Variants in SPEG observed in about 807,000 individuals in gnomAD.
SPEG encodes striated muscle enriched protein kinase.
In SPEG, 114 loss-of-function variants were observed where a neutral mutation model predicts 300.4. The observed-to-expected ratio is 0.38, with a 90% CI of 0.33 to 0.44. The LOEUF (loss-of-function observed/expected upper bound fraction) is 0.44. Among genes scored for constraint, SPEG ranks in the 20% least tolerant of loss-of-function variants. The pLI is 1.00. For synonymous variants in SPEG, 1,964 were observed against 2,018.9 expected, an observed-to-expected ratio of 0.97 and a Z score of 0.73; for missense variants, 4,201 against 4,586.2, an observed-to-expected ratio of 0.92 and a Z score of 2.43.
At chr2:219,467,022 C>A in intron 9 of SPEG, 152 bp from the exon 10 acceptor site, 1 of 1,142,230 alleles carries the variant, frequency 8.8e-7, no homozygotes, top group Non-Finnish European at 1.2e-6. Flanking sequence ...CCTTGCTGTC[C>A]TGGCCAGGTG....
At position 219,473,520 on chromosome 2, in the gene SPEG, G is replaced by A. The variant is rs1194330124; in HGVS notation, c.4164G>A (p.Glu1388=). The change falls in exon 17 of 41, where the codon GAG becomes GAA. Residue 1388 remains glutamate, a synonymous_variant. Transcript: ENST00000312358. This position sits in a 1 kb window ranked among gnomAD's most constrained non-coding sequence, Gnocchi z 4.6. ...TCCTCCCAGGCCCAACCCTGGAGGAGGCCCCTGCCATGCTGGACAAACCAG... is the reference window on the plus strand; with the variant it reads ...TCCTCCCAGGCCCAACCCTGGAGGAAGCCCCTGCCATGCTGGACAAACCAG... ...QLLEHGPTLE[E]APAMLDKPDI... 2 of 1,614,052 alleles carry A rather than the reference G, an allele frequency of 1.2e-6. No individual in the cohort carries two copies. Among genetic ancestry groups the A allele is most frequent in the South Asian group, 1.1e-5 (1 of 91,076 alleles).
At position 219,482,632 on chromosome 2, in the gene SPEG, CA is replaced by C. The variant is rs1212900380; in HGVS notation, c.5566-151del. ...GCTGTAGGCATTGTCCTGACAGACC[CA>C]GGGGGAAGGGGACCCCCAGGAGCCC... On this transcript the variant is annotated intron_variant, in intron 28 of 40. Transcript: ENST00000312358. The C allele has an allele frequency of 6.0e-6, 4 of 662,638 alleles. No individual in the cohort carries two copies. The East Asian group carries it at 1.1e-4, about 18-fold the overall frequency. 41.0% of individuals were successfully genotyped at this position (662,638 alleles called of 1,614,324 possible). A position where few individuals can be genotyped will look rare whatever the true frequency, so the allele number is the denominator to read the frequency against.
At chr2:219,447,191 GT>G (rs1394334394) in intron 3 of SPEG, among the ~76,000 whole-genome samples, 2 of 132,994 alleles carry the variant, frequency 1.5e-5, no homozygotes, top group Admixed American at 1.6e-4. Context: ...TCTGAGCTGA[GT>G]TATTTCAGAG....
At chr2:219,476,582 C>A (rs375774274) in intron 18 of SPEG, among the ~76,000 whole-genome samples, 2 of 152,078 alleles carry the variant, frequency 1.3e-5, no homozygotes, top group African/African-American at 4.8e-5. Flanking sequence ...TCAAAGCTGC[C>A]AAATTAATAC....
Position 219,484,817 on chromosome 2 carries a change from G to A in SPEG, c.7354G>A (p.Ala2452Thr), listed in dbSNP as rs892268073. The change falls in exon 30 of 41, where the codon GCG becomes ACG. Residue 2452 changes from alanine to threonine, a missense_variant. Ala to Thr is a moderately conservative substitution (Grantham distance 58). This residue lies in a region of SPEG where 1,578 missense variants were observed against 1,506.0 expected (regional missense o/e 1.05). Transcript: ENST00000312358. ...GSSARGSPVL[A>T]MRRRLSFTLE... ...CTCGGCGCGGGGCTCCCCGGTGCTG[G>A]CGATGCGCAGGCGGCTGAGCTTCAC... 1.3e-5 allele frequency: 19 copies of A among 1,498,816 alleles called. No individual in the cohort carries two copies. The highest frequency in any genetic ancestry group is 8.6e-5 in the Admixed American group (4 of 46,584). 92.8% of individuals were successfully genotyped at this position (1,498,816 alleles called of 1,614,324 possible). A position where few individuals can be genotyped will look rare whatever the true frequency, so the allele number is the denominator to read the frequency against.
At chr2:219,490,024 G>T in intron 36 of SPEG, 85 bp downstream of exon 36, 1 of 1,473,282 alleles carries the variant, frequency 6.8e-7, no homozygotes, top group East Asian at 2.3e-5. Context: ...AGACCAGACT[G>T]TCCTGGCTGG....
At position 219,491,858 on chromosome 2, in the gene SPEG, C is replaced by T; in HGVS notation, c.9450C>T (p.Leu3150=). The T allele has an allele frequency of 1.2e-6, 2 of 1,609,146 alleles. No homozygotes were observed. Among genetic ancestry groups the T allele is most frequent in the Non-Finnish European group, 1.7e-6 (2 of 1,177,384 alleles). The part of the protein sequence containing the change: ...SATDIWGAGV[L]TYIMLSGRSP... The stretch of plus-strand genomic sequence containing the variant: ...CGGACATCTGGGGAGCGGGTGTGCT[C>T]ACTTACATTATGTGAGTGTCCCCTA... Residue 3150 remains leucine, a synonymous_variant, in exon 39 of 41, where the codon CTC becomes CTT. Coordinates refer to ENST00000312358, the MANE Select transcript of SPEG (RefSeq NM_005876.5).
intron 31 of SPEG, among the ~76,000 whole-genome samples, chr2:219,486,550 G>C (rs1040554794): frequency 1.3e-5 from 2 of 152,140 alleles, no homozygotes; most frequent in African/African-American, 4.8e-5. Flanking sequence ...GAAAGAAAGC[G>C]ATCAGCCAGC....
At position 219,445,287 on chromosome 2, in the gene SPEG, C is replaced by A; in HGVS notation, c.815+126C>A. On this transcript the variant is annotated intron_variant, in intron 3 of 40. Transcript: ENST00000312358. The surrounding 1 kb of genome is among the most constrained non-coding windows in gnomAD (Gnocchi z 6.1). ...TCCATCTCTCTGTGCATTTCTTCAC[C>A]CCCTGCTGCCACTCCATCTTCCCAC... The A allele has an allele frequency of 1.1e-6, 1 of 914,168 alleles. No individual in the cohort carries two copies. The highest frequency in any genetic ancestry group is 2.6e-5 in the East Asian group (1 of 37,748). 56.6% of individuals were successfully genotyped at this position (914,168 alleles called of 1,614,324 possible). A position where few individuals can be genotyped will look rare whatever the true frequency, so the allele number is the denominator to read the frequency against.
intron 33 of SPEG, 31 bp downstream of exon 33, chr2:219,488,696 G>A (rs1693676329): frequency 5.0e-6 from 8 of 1,604,510 alleles, no homozygotes; most frequent in Non-Finnish European, 6.8e-6. Context: ...CAGGGGGGTA[G>A]TGATGGGGAT....
intron 8 of SPEG, among the ~76,000 whole-genome samples, chr2:219,463,671 G>T (rs1690966761): frequency 6.6e-6 from 1 of 150,930 alleles, no homozygotes; most frequent in Admixed American, 6.6e-5. Flanking sequence ...CTCCCAAAGT[G>T]CTGGGATTAC....
In SPEG at chr2:219,490,420, G is replaced by C. The variant is rs1693862355; in HGVS notation, c.8933G>C (p.Gly2978Ala). The change falls in exon 37 of 41, where the codon GGT becomes GCT. Residue 2978 changes from glycine to alanine, a missense_variant. Around this residue, in one of 4 missense-constraint regions of SPEG, gnomAD observed 318 missense variants for 429.5 expected, o/e 0.74. Coordinates refer to ENST00000312358, the MANE Select transcript of SPEG (RefSeq NM_005876.5). ...FLEEKARGRF[G>A]VVRACRENAT... ...CCCCCGACACACAGGGGCCGCTTTGGTGTTGTGCGAGCGTGCCGGGAGAAT... is the reference window on the plus strand; with the variant it reads ...CCCCCGACACACAGGGGCCGCTTTGCTGTTGTGCGAGCGTGCCGGGAGAAT... The C allele has an allele frequency of 1.9e-6, 3 of 1,611,470 alleles. No homozygotes were observed. Among genetic ancestry groups the C allele is most frequent in the Non-Finnish European group, 2.5e-6 (3 of 1,179,296 alleles).
chr2:219,487,941 A>G (rs1307861586), intron 31 of SPEG, among the ~76,000 whole-genome samples: 1 of 152,230 alleles, frequency 6.6e-6, no homozygotes, highest in Non-Finnish European at 1.5e-5. Flanking sequence ...CCCATGACAT[A>G]AGTAGCATTG....
Position 219,471,645 on chromosome 2 carries a change from GC to G in SPEG, c.3716-221del, listed in dbSNP as rs912165136. On this transcript the variant is annotated intron_variant, in intron 13 of 40. Transcript: ENST00000312358. ...CACACTGGAGGGACAGACCAGAGGG[GC>G]CAGGGCAGATGTAGACTTGGAAGCC... The G allele has an allele frequency of 2.7e-4, 157 of 579,050 alleles. No individual in the cohort carries two copies. The African/African-American group carries it at 2.7e-3, about 10-fold the overall frequency. The allele number at this position is 579,050 out of a possible 1,614,324, so 35.9% of individuals were successfully genotyped here. A position where few individuals can be genotyped will look rare whatever the true frequency, so the allele number is the denominator to read the frequency against.
At chr2:219,465,964 CATGCGTGTGT>C (rs1339505096) in intron 9 of SPEG, 51 of 1,087,144 alleles carry the variant, frequency 4.7e-5, no homozygotes, top group African/African-American at 7.6e-5. Flanking sequence ...TGTGCGTGTG[CATGCGTGTGT>C]GTGCATGTGT....
rs1391495542 is a variant in SPEG at position 219,477,811 on chromosome 2, G to A, written c.4826+26G>A. 3 of 1,596,176 alleles carry A rather than the reference G, an allele frequency of 1.9e-6. No homozygotes were observed. Among genetic ancestry groups the A allele is most frequent in the Non-Finnish European group, 8.6e-7 (1 of 1,167,902 alleles). On this transcript the variant is annotated intron_variant, in intron 21 of 40. Coordinates refer to ENST00000312358, the MANE Select transcript of SPEG (RefSeq NM_005876.5). The surrounding 1 kb of genome is among the most constrained non-coding windows in gnomAD (Gnocchi z 6.4). ...GTGTGGGGCTAGGAGGGAAGCCAGT[G>A]GGGGCCGAGAGAGGCTGCTGGGTCT...
chr2:219,481,454 G>T lies in SPEG; in HGVS notation c.5520G>T (p.Arg1840=). 1 of 1,614,054 alleles carries T rather than the reference G, an allele frequency of 6.2e-7. No homozygotes were observed. The highest frequency in any genetic ancestry group is 1.1e-5 in the South Asian group (1 of 91,082). Residue 1840 remains arginine, a splice_region_variant and synonymous_variant, in exon 27 of 41, where the codon CGG becomes CGT. Transcript: ENST00000312358. The surrounding 1 kb of genome is among the most constrained non-coding windows in gnomAD (Gnocchi z 5.4). ...TCATCAAAGTGTTGGTGCAGGACCG[G>T]CTGTGAGTACAAGGCCCTGGGAGCC... is the stretch of plus-strand genomic sequence containing the variant. ...GFLIKVLVQD[R]LRPTAEETLE... is the part of the protein sequence containing the mutation.
Position 219,484,053 on chromosome 2 carries a change from C to T in SPEG, c.6590C>T (p.Thr2197Ile), listed in dbSNP as rs762812429. Residue 2197 changes from threonine to isoleucine, a missense_variant, in exon 30 of 41, where the codon ACC (threonine) becomes ATC (isoleucine). Physicochemically the swap from Thr to Ile is moderately conservative, Grantham distance 89. Transcript: ENST00000312358. ...CCTAAGTCTGCAGAACCTTCTGCCA[C>T]CACACCTAGTGATGCTCCGCAGCCC... ...STPKSAEPSA[T>I]TPSDAPQPPA... The T allele has an allele frequency of 5.0e-6, 8 of 1,613,724 alleles. No individual in the cohort carries two copies. The highest frequency in any genetic ancestry group is 1.6e-4 in the Middle Eastern group (1 of 6,062).
chr2:219,441,719 G>A, intron 1 of SPEG: 2 of 388,058 alleles, frequency 5.2e-6, no homozygotes, highest in Non-Finnish European at 1.0e-5. Context: ...CAGGGTGGGG[G>A]TCCGTGGCTC....
Sources: allele counts gnomAD v4.1 joint callset (sites outside exome capture counted in the v4.1 genomes callset), GRCh38; gene constraint gnomAD v4.1.1; regional missense constraint gnomAD v4.1.1; non-coding constraint Gnocchi (gnomAD v3.1); transcripts MANE v1.5; gene names NCBI Gene and HGNC (gene_info 2026-07-23, HGNC 2026-07-21).